AKAP7: variants seen among roughly 807,000 people sequenced by gnomAD.
AKAP7 encodes the protein A kinase (PRKA) anchor protein 7.
A neutral mutation model predicts 39.5 loss-of-function variants in AKAP7; 39 were observed. The observed-to-expected ratio is 0.99, with a 90% CI of 0.76 to 1.29. AKAP7 has a LOEUF of 1.29. AKAP7 is among the 50% of genes most tolerant of loss of function. The probability of loss-of-function intolerance (pLI) is 0.00; values close to 1 mark genes in which losing one functional copy is unlikely to be tolerated. For synonymous variants in AKAP7, 140 were observed against 139.1 expected, an observed-to-expected ratio of 1.01 and a Z score of -0.05; for missense variants, 414 against 407.7, an observed-to-expected ratio of 1.02 and a Z score of -0.13.
intron 7 of AKAP7, among the ~76,000 whole-genome samples, chr6:131,236,064 C>T (rs1286876580): frequency 6.6e-6 from 1 of 152,146 alleles, no homozygotes; most frequent in African/African-American, 2.4e-5. Context: ...TTTAATCCAA[C>T]TTGAATTAAT....
intron 7 of AKAP7, among the ~76,000 whole-genome samples, chr6:131,238,992 T>C (rs1026966603): frequency 2.6e-5 from 4 of 152,182 alleles, no homozygotes; most frequent in African/African-American, 7.2e-5. Flanking sequence ...GATGCAGTTT[T>C]TTCTTAGCCT....
intron 5 of AKAP7, among the ~76,000 whole-genome samples, chr6:131,188,324 A>T (rs939576888): frequency 2.0e-5 from 3 of 152,184 alleles, no homozygotes; most frequent in African/African-American, 7.2e-5. Flanking sequence ...GTTAATAGTA[A>T]TATTATAGGA....
chr6:131,278,389 C>T (rs1814921689), intron 7 of AKAP7, among the ~76,000 whole-genome samples: 1 of 152,144 alleles, frequency 6.6e-6, no homozygotes, highest in Non-Finnish European at 1.5e-5. Context: ...GAATGAATGA[C>T]CAAATGGCCA....
chr6:131,204,873 C>G (rs1455206298), intron 6 of AKAP7, among the ~76,000 whole-genome samples: 2 of 152,156 alleles, frequency 1.3e-5, no homozygotes, highest in African/African-American at 4.8e-5. Flanking sequence ...TTGAGATGCT[C>G]TGTTTTAAAG....
upstream of AKAP7, among the ~76,000 whole-genome samples, chr6:131,134,657 G>T (rs150039910): frequency 2.0e-5 from 3 of 152,320 alleles, no homozygotes; most frequent in African/African-American, 7.2e-5. Flanking sequence ...GAAACTCAAC[G>T]TGTTAGAATT....
At position 131,281,698 on chromosome 6, in the gene AKAP7, G is replaced by A; in HGVS notation, c.1019G>A (p.Gly340Asp). Residue 340 changes from glycine (G) to aspartate (D), a missense_variant, in exon 8 of 8, where the codon GGC becomes GAC. By Grantham distance (94) the Gly-to-Asp change is moderately conservative (BLOSUM62 -1). Coordinates refer to ENST00000431975, the MANE Select transcript of AKAP7 (RefSeq NM_016377.4). The surrounding 1 kb of genome is among the most constrained non-coding windows in gnomAD (Gnocchi z 4.0). ...SVKTEAADQNGNDNENNRK is the reference protein window; with the variant it reads ...SVKTEAADQNDNDNENNRK The stretch of plus-strand genomic sequence containing the variant: ...AAAACCGAAGCAGCTGATCAGAATG[G>A]CAATGACAATGAGAACAACAGGAAA... The A allele has an allele frequency of 6.2e-7, 1 of 1,610,584 alleles. No individual in the cohort carries two copies. Among genetic ancestry groups the A allele is most frequent in the Non-Finnish European group, 8.5e-7 (1 of 1,178,538 alleles).
intron 1 of AKAP7, among the ~76,000 whole-genome samples, chr6:131,138,784 G>A (rs1257914524): frequency 3.3e-5 from 5 of 152,224 alleles, no homozygotes; most frequent in African/African-American, 1.2e-4. Context: ...GTGTGGTTGT[G>A]TGGATTAAAT....
intron 5 of AKAP7, among the ~76,000 whole-genome samples, chr6:131,175,579 A>G (rs1534624): frequency 0.62 from 94,315 of 152,016 alleles, 29,871 homozygotes; most frequent in East Asian, 0.95. Context: ...TGAACTAGTA[A>G]AGTCTAAATT....
chr6:131,163,251 T>C (rs899433152), intron 3 of AKAP7, among the ~76,000 whole-genome samples: 20 of 152,216 alleles, frequency 1.3e-4, no homozygotes, highest in Admixed American at 2.6e-4. Context: ...AGTTAATCAC[T>C]TAGAAAGCTT....
At chr6:131,202,406 T>C (rs1324527025) in intron 6 of AKAP7, among the ~76,000 whole-genome samples, 1 of 148,550 alleles carries the variant, frequency 6.7e-6, no homozygotes, top group African/African-American at 2.5e-5. Context: ...GTGGCACATA[T>C]ACACCATGGA....
intron 7 of AKAP7, chr6:131,241,906 T>C (rs1057129162): frequency 3.2e-6 from 1 of 313,790 alleles, no homozygotes; most frequent in Non-Finnish European, 4.6e-6. Context: ...AATGTCTCTG[T>C]GTGATTCAAG....
At chr6:131,244,102 A>G (rs892583000) in intron 7 of AKAP7, among the ~76,000 whole-genome samples, 1 of 152,020 alleles carries the variant, frequency 6.6e-6, no homozygotes, top group Admixed American at 6.6e-5. Flanking sequence ...GCTTGAAAAA[A>G]GGTCAGACTG....
rs146978556 is a variant in AKAP7 at position 131,216,468 on chromosome 6, T to C, written c.703-3193T>C. ...GTCATGCATTCAATGGCATTTTCTC[T>C]GGAGTGGACTGTTTGAGTGCCAAGT... On this transcript the variant is annotated intron_variant, in intron 6 of 7. Transcript: ENST00000431975. 5.9e-3 allele frequency among the ~76,000 whole-genome samples: 894 copies of C among 152,322 alleles called. 10 individuals are homozygous for C. Among genetic ancestry groups the C allele is most frequent in the African/African-American group, 0.021 (855 of 41,572 alleles).
At chr6:131,127,067 A>T in the AKAP7 span, among the ~76,000 whole-genome samples, 1 of 150,986 alleles carries the variant, frequency 6.6e-6, no homozygotes, top group African/African-American at 2.4e-5. Context: ...TTTTTTTGAG[A>T]CAGAGTCTGG....
At chr6:131,238,360 T>C (rs2128310933) in intron 7 of AKAP7, among the ~76,000 whole-genome samples, 1 of 152,314 alleles carries the variant, frequency 6.6e-6, no homozygotes, top group East Asian at 1.9e-4. Context: ...TGTGGTGTGG[T>C]GCTGAAAAGA....
upstream of AKAP7, among the ~76,000 whole-genome samples, chr6:131,132,773 T>C (rs1484201540): frequency 6.6e-6 from 1 of 152,260 alleles, no homozygotes; most frequent in African/African-American, 2.4e-5. Context: ...GAAATATTTA[T>C]GGCAAGACTA....
intron 7 of AKAP7, among the ~76,000 whole-genome samples, chr6:131,236,935 A>C (rs1419549973): frequency 6.6e-6 from 1 of 152,132 alleles, no homozygotes; most frequent in East Asian, 1.9e-4. Context: ...AGAACTTCCA[A>C]CATTATGTTG....
intron 6 of AKAP7, among the ~76,000 whole-genome samples, chr6:131,202,452 C>T (rs1365365875): frequency 6.6e-6 from 1 of 151,026 alleles, no homozygotes; most frequent in Non-Finnish European, 1.5e-5. Flanking sequence ...AAGTTCATGT[C>T]CTTTGTAGGG....
chr6:131,253,659 CTTAT>C (rs56220549), intron 7 of AKAP7, among the ~76,000 whole-genome samples: 4,920 of 149,746 alleles, frequency 0.033, 80 homozygotes, highest in Non-Finnish European at 0.043. Flanking sequence ...ATGAGATCTA[CTTAT>C]TTATTTATTT....
Sources: allele counts gnomAD v4.1 joint callset (sites outside exome capture counted in the v4.1 genomes callset), GRCh38; gene constraint gnomAD v4.1.1; non-coding constraint Gnocchi (gnomAD v3.1); transcripts MANE v1.5; gene names NCBI Gene and HGNC (gene_info 2026-07-23, HGNC 2026-07-21).